Variants in SINHCAF observed in about 807,000 individuals in gnomAD.
SINHCAF encodes SIN3-HDAC complex associated factor, also known as SIN3-HDAC complex-associated factor.
In SINHCAF, 3 loss-of-function variants were observed where a neutral mutation model predicts 25.8. That is an observed-to-expected ratio of 0.12 (90% CI 0.05 to 0.30). SINHCAF has a LOEUF of 0.30. Ranked by LOEUF, SINHCAF falls within the 10% of genes least tolerant of loss-of-function variation. SINHCAF has a pLI of 1.00. For synonymous variants in SINHCAF, 70 were observed against 85.5 expected (o/e 0.82, Z 1.00); for missense variants, 121 against 262.3 (o/e 0.46, Z 3.72).
intron 5 of SINHCAF, 35 bp downstream of exon 5, chr12:31,287,599 G>A: frequency 6.7e-7 from 1 of 1,500,362 alleles, no homozygotes; most frequent in South Asian, 1.4e-5. Flanking sequence ...AATTAAGATG[G>A]TTTGCTGGTT....
intron 5 of SINHCAF, among the ~76,000 whole-genome samples, chr12:31,284,554 T>C (rs923225681): frequency 6.6e-6 from 1 of 152,166 alleles, no homozygotes; most frequent in African/African-American, 2.4e-5. Context: ...CATAAAAAAA[T>C]CCTTTCCCAC....
intron 1 of SINHCAF, among the ~76,000 whole-genome samples, chr12:31,302,587 TTA>T (rs1464906267): frequency 6.6e-6 from 1 of 150,554 alleles, no homozygotes. Flanking sequence ...TTCCAACAGG[TTA>T]TAACCTGTGT....
At chr12:31,303,836 G>A (rs1938908626) in intron 1 of SINHCAF, 1 of 152,210 alleles carries the variant, frequency 6.6e-6, no homozygotes, top group South Asian at 2.1e-4. Context: ...CTGCAGACTG[G>A]AAGAAATAGG....
rs1268690623 is a variant in SINHCAF at position 31,281,449 on chromosome 12, CAGATA to C, written c.*1258_*1262del. On this transcript the variant is annotated 3_prime_UTR_variant, in exon 6 of 6. Transcript: ENST00000337682. ...AAACAAGTCAAACACCCATTCTACA[CAGATA>C]AAAACCTTCACAAAGGTCAACTGAA... 3.9e-5 allele frequency: 6 copies of C among 152,232 alleles called. No individual in the cohort carries two copies. Among genetic ancestry groups the C allele is most frequent in the Non-Finnish European group, 8.8e-5 (6 of 68,040 alleles). 9.4% of individuals were successfully genotyped at this position (152,232 alleles called of 1,614,324 possible). A position where few individuals can be genotyped will look rare whatever the true frequency, so the allele number is the denominator to read the frequency against.
chr12:31,292,307 T>A (rs1325409540), intron 4 of SINHCAF, among the ~76,000 whole-genome samples: 1 of 152,016 alleles, frequency 6.6e-6, no homozygotes, highest in Non-Finnish European at 1.5e-5. Context: ...GAGACCAGCG[T>A]GGGCAACATG....
rs201226272 is a variant in SINHCAF, at chr12:31,296,519, GT to G, written c.129-1187del. On this transcript the variant is annotated intron_variant, in intron 2 of 5. Coordinates refer to ENST00000337682, the MANE Select transcript of SINHCAF (RefSeq NM_001135812.2). ...GCTAACCTTTGGCAAGTAAAATAAT[GT>G]GCCATAATATTCCAGTTTCGCAGCA... 3.6e-3 allele frequency among the ~76,000 whole-genome samples: 544 copies of G among 152,244 alleles called. 9 individuals carry two copies. Among genetic ancestry groups the G allele is most frequent in the African/African-American group, 0.012 (508 of 41,542 alleles).
intron 5 of SINHCAF, among the ~76,000 whole-genome samples, chr12:31,287,211 T>C (rs1291447012): frequency 1.3e-5 from 2 of 152,242 alleles, no homozygotes; most frequent in African/African-American, 4.8e-5. Flanking sequence ...AAGTTGTCTA[T>C]AATATCCTAT....
At chr12:31,295,598 G>A (rs546650694) in intron 2 of SINHCAF, among the ~76,000 whole-genome samples, 6 of 152,220 alleles carry the variant, frequency 3.9e-5, no homozygotes, top group Non-Finnish European at 8.8e-5. Context: ...GGCTGGGTGC[G>A]GTGGCTCACG....
At chr12:31,294,326 C>CT (rs1223355400) in intron 3 of SINHCAF, among the ~76,000 whole-genome samples, 1 of 152,104 alleles carries the variant, frequency 6.6e-6, no homozygotes, top group African/African-American at 2.4e-5. Flanking sequence ...AATAGAGCTA[C>CT]TTTTGTTACT....
chr12:31,300,605 TATG>T (rs773882964), intron 1 of SINHCAF, among the ~76,000 whole-genome samples: 14 of 152,102 alleles, frequency 9.2e-5, no homozygotes, highest in Admixed American at 3.3e-4. Context: ...AACAAACCCA[TATG>T]ATAACTGAAA....
At chr12:31,309,126 T>TC (rs1422167017) in intron 1 of SINHCAF, among the ~76,000 whole-genome samples, 10 of 69,730 alleles carry the variant, frequency 1.4e-4, no homozygotes, top group African/African-American at 5.9e-4. Context: ...AGATTCTGTC[T>TC]CAAAAAAAAA....
At chr12:31,313,791 G>A (rs1418950653) in intron 1 of SINHCAF, among the ~76,000 whole-genome samples, 2 of 152,062 alleles carry the variant, frequency 1.3e-5, no homozygotes, top group Non-Finnish European at 2.9e-5. Flanking sequence ...TGGGATTACA[G>A]GTGCCCACCA....
chr12:31,292,277 G>A (rs770807633), intron 4 of SINHCAF, among the ~76,000 whole-genome samples: 21 of 152,100 alleles, frequency 1.4e-4, no homozygotes, highest in Non-Finnish European at 2.2e-4. Context: ...CGAGGTGGGT[G>A]GATTGCTTGA....
Position 31,298,091 on chromosome 12 carries a change from G to C in SINHCAF, c.114C>G (p.Phe38Leu). 1 of 1,613,906 alleles carries C rather than the reference G, an allele frequency of 6.2e-7. No individual in the cohort carries two copies. Among genetic ancestry groups the C allele is most frequent in the Non-Finnish European group, 8.5e-7 (1 of 1,179,902 alleles). Residue 38 changes from phenylalanine to leucine, a missense_variant, in exon 2 of 6, where the codon TTC (phenylalanine) becomes TTG (leucine). Transcript: ENST00000337682. Reference sequence around the variant, plus strand: ...GGTGATCTTACCCAAAACAGCTCTGGAAGTCCTTTTCATAGCGTTTACTGT... The same window carrying C: ...GGTGATCTTACCCAAAACAGCTCTGCAAGTCCTTTTCATAGCGTTTACTGT... ...FTDSKRYEKD[F>L]QSCFGLHETR...
At chr12:31,285,692 A>T (rs1162815811) in intron 5 of SINHCAF, among the ~76,000 whole-genome samples, 1 of 152,062 alleles carries the variant, frequency 6.6e-6, no homozygotes, top group East Asian at 1.9e-4. Context: ...AAGACTAAAT[A>T]AGGCCAGGTG....
intron 5 of SINHCAF, among the ~76,000 whole-genome samples, chr12:31,284,657 A>C (rs1937957743): frequency 6.6e-6 from 1 of 152,166 alleles, no homozygotes; most frequent in Non-Finnish European, 1.5e-5. Context: ...ATTTTTCCAC[A>C]TGAATAACCA....
chr12:31,298,362 C>G (rs1398336608), intron 1 of SINHCAF, 138 bp from the exon 2 acceptor site: 1 of 872,224 alleles, frequency 1.1e-6, no homozygotes, highest in Non-Finnish European at 1.8e-6. Context: ...AAGGGAAGAC[C>G]TCCTGGATCG....
Position 31,281,537 on chromosome 12 carries a change from T to A in SINHCAF, c.*1175A>T, listed in dbSNP as rs1391449557. 6.6e-6 allele frequency: 1 copy of A among 152,236 alleles called. No individual in the cohort carries two copies. Among genetic ancestry groups the A allele is most frequent in the Admixed American group, 6.5e-5 (1 of 15,288 alleles). 9.4% of individuals were successfully genotyped at this position (152,236 alleles called of 1,614,324 possible). A position where few individuals can be genotyped will look rare whatever the true frequency, so the allele number is the denominator to read the frequency against. On this transcript the variant is annotated 3_prime_UTR_variant, in exon 6 of 6. Coordinates refer to ENST00000337682, the MANE Select transcript of SINHCAF (RefSeq NM_001135812.2). ...TTTCAATGAAGTCACAGAAGTCATG[T>A]AACACAAACAAAAGTCGATTATATT...
intron 1 of SINHCAF, among the ~76,000 whole-genome samples, chr12:31,314,072 G>A (rs1470727125): frequency 6.6e-6 from 1 of 152,110 alleles, no homozygotes; most frequent in African/African-American, 2.4e-5. Context: ...GTTCCTGTCC[G>A]TCACTTCTGA....
Sources: gnomAD v4.1 joint callset for allele counts (sites outside exome capture counted in the v4.1 genomes callset) on GRCh38, gnomAD v4.1.1 for gene constraint, MANE v1.5 for transcripts, NCBI Gene and HGNC (gene_info 2026-07-23, HGNC 2026-07-21) for gene names.